KCNIP4: variants seen among roughly 807,000 people sequenced by gnomAD.
KCNIP4 encodes the protein Kv channel-interacting protein 4.
A neutral mutation model predicts 34.0 loss-of-function variants in KCNIP4; 12 were observed. The ratio of observed to expected loss-of-function variants is 0.35; its 90% CI spans 0.23 to 0.57. The LOEUF is 0.57. KCNIP4 is among the 20% of genes least tolerant of loss of function. KCNIP4 has a pLI of 0.83. For missense variants in KCNIP4, 238 were observed against 311.7 expected (o/e 0.76, Z 1.78); for synonymous variants, 124 against 102.2 (o/e 1.21, Z -1.29).
intron 1 of KCNIP4, among the ~76,000 whole-genome samples, chr4:21,802,043 A>G (rs1169006032): frequency 1.3e-5 from 2 of 151,666 alleles, no homozygotes; most frequent in African/African-American, 4.8e-5. Flanking sequence ...TTCATGGGAG[A>G]AAGAATGTTT....
At chr4:21,580,298 C>T (rs1741110909) in intron 1 of KCNIP4, among the ~76,000 whole-genome samples, 1 of 152,038 alleles carries the variant, frequency 6.6e-6, no homozygotes, top group Non-Finnish European at 1.5e-5. Flanking sequence ...CTATGTTCCA[C>T]ATAAAGACAC....
intron 1 of KCNIP4, among the ~76,000 whole-genome samples, chr4:21,493,142 T>C (rs1732550529): frequency 6.6e-6 from 1 of 150,898 alleles, no homozygotes; most frequent in Admixed American, 6.6e-5. Context: ...GGAGTCCCCA[T>C]GGGGCCATCT....
intron 1 of KCNIP4, among the ~76,000 whole-genome samples, chr4:20,902,709 G>A (rs1314165647): frequency 2.0e-5 from 3 of 151,888 alleles, no homozygotes; most frequent in East Asian, 3.9e-4. Flanking sequence ...TAGTAGAGAC[G>A]GGGTTTCACC....
At chr4:21,256,971 T>C (rs1297088031) in intron 1 of KCNIP4, among the ~76,000 whole-genome samples, 1 of 152,218 alleles carries the variant, frequency 6.6e-6, no homozygotes, top group Non-Finnish European at 1.5e-5. Flanking sequence ...TCAGAATTTA[T>C]ATTTTTTGAG....
intron 1 of KCNIP4, among the ~76,000 whole-genome samples, chr4:21,578,332 C>CAAAAAAAAAAAA (rs71191522): frequency 4.0e-5 from 3 of 75,126 alleles, no homozygotes; most frequent in African/African-American, 1.6e-4. Flanking sequence ...GACTCCGTCT[C>CAAAAAAAAAAAA]AAAAAAAAAA....
At chr4:21,436,715 C>G (rs1189984827) in intron 1 of KCNIP4, among the ~76,000 whole-genome samples, 1 of 152,194 alleles carries the variant, frequency 6.6e-6, no homozygotes, top group Admixed American at 6.5e-5. Context: ...TGAGATCGCC[C>G]TGAAGATTCT....
intron 1 of KCNIP4, among the ~76,000 whole-genome samples, chr4:21,026,705 C>T (rs1223324901): frequency 6.6e-6 from 1 of 152,060 alleles, no homozygotes; most frequent in Non-Finnish European, 1.5e-5. Flanking sequence ...ATGGTAACAT[C>T]TTCATTAATT....
At chr4:21,388,996 T>C (rs1722288173) in intron 1 of KCNIP4, among the ~76,000 whole-genome samples, 1 of 152,016 alleles carries the variant, frequency 6.6e-6, no homozygotes, top group South Asian at 2.1e-4. Context: ...GTTTTTTTTT[T>C]TTCTTTGAGA....
chr4:21,448,328 G>C (rs1728212201), intron 1 of KCNIP4, among the ~76,000 whole-genome samples: 1 of 152,014 alleles, frequency 6.6e-6, no homozygotes, highest in African/African-American at 2.4e-5. Context: ...GAAAGTTAAA[G>C]GCTTTTTTAA....
At chr4:21,680,142 A>T (rs1197729633) in intron 1 of KCNIP4, among the ~76,000 whole-genome samples, 1 of 151,936 alleles carries the variant, frequency 6.6e-6, no homozygotes, top group Non-Finnish European at 1.5e-5. Flanking sequence ...CTCAAACACT[A>T]CTGCTGTTTA....
intron 1 of KCNIP4, among the ~76,000 whole-genome samples, chr4:21,061,432 T>C (rs889427018): frequency 1.3e-5 from 2 of 152,114 alleles, no homozygotes; most frequent in Non-Finnish European, 2.9e-5. Flanking sequence ...CAAAAAACAC[T>C]ATAATCCTAT....
intron 1 of KCNIP4, among the ~76,000 whole-genome samples, chr4:21,146,633 C>A (rs1305392242): frequency 1.3e-5 from 2 of 152,038 alleles, no homozygotes; most frequent in Non-Finnish European, 2.9e-5. Flanking sequence ...GAGCCCTTGG[C>A]AAATTTGTTA....
At position 20,806,963 on chromosome 4, in the gene KCNIP4, A is replaced by T. The variant is rs142456597; in HGVS notation, c.288+43580T>A. On this transcript the variant is annotated intron_variant, in intron 3 of 8. Transcript: ENST00000382152. The stretch of plus-strand genomic sequence containing the variant: ...CTAGTAACATTCATTTAATCTGATA[A>T]ATTCTGCTGTTTTGCTGAAATGAAA... Among the ~76,000 whole-genome samples, 454 of 152,272 alleles carry T rather than the reference A, an allele frequency of 3.0e-3. 1 individual carries two copies. Among genetic ancestry groups the T allele is most frequent in the Middle Eastern group, 0.014 (4 of 294 alleles).
At chr4:21,266,244 G>A (rs891637800) in intron 1 of KCNIP4, among the ~76,000 whole-genome samples, 4 of 152,082 alleles carry the variant, frequency 2.6e-5, no homozygotes, top group Admixed American at 6.5e-5. Flanking sequence ...GCAACTTTAC[G>A]AAGCGTACAA....
chr4:21,717,078 G>A (rs1468195290), intron 1 of KCNIP4, among the ~76,000 whole-genome samples: 3 of 152,152 alleles, frequency 2.0e-5, no homozygotes, highest in African/African-American at 7.2e-5. Context: ...TATTGTCATA[G>A]TGTTTCTCAA....
At chr4:21,665,216 G>T (rs1748753097) in intron 1 of KCNIP4, among the ~76,000 whole-genome samples, 1 of 152,036 alleles carries the variant, frequency 6.6e-6, no homozygotes, top group Non-Finnish European at 1.5e-5. Context: ...GGAAATATAT[G>T]GAAAGTGAAA....
Position 20,882,665 on chromosome 4 carries a change from G to C in KCNIP4, c.106C>G (p.Arg36Gly). The change falls in exon 2 of 9, where the codon CGG becomes GGG. Residue 36 changes from arginine to glycine, a missense_variant. Physicochemically the swap from Arg to Gly is moderately radical, Grantham distance 125. Transcript: ENST00000382152. ...GAGCAGGGCAAGAGCTTCATGAGCC[G>C]CTCTTTAATGCTGCGCTTGGTGCTG... ...QNSTKRSIKERLMKLLPCSAA... is the reference protein window; with the variant it reads ...QNSTKRSIKEGLMKLLPCSAA... The C allele has an allele frequency of 1.9e-6, 3 of 1,613,614 alleles. No individual in the cohort carries two copies. The highest frequency in any genetic ancestry group is 2.5e-6 in the Non-Finnish European group (3 of 1,179,848).
intron 1 of KCNIP4, among the ~76,000 whole-genome samples, chr4:21,883,160 T>TTG (rs1726558616): frequency 2.1e-5 from 1 of 47,694 alleles, no homozygotes; most frequent in Non-Finnish European, 3.9e-5. Context: ...TGAGTTGTTG[T>TTG]TTTTTTTTTT....
chr4:21,025,473 TGAGAGAGAGAGAGAGAGAGA>T (rs33926876), intron 1 of KCNIP4, among the ~76,000 whole-genome samples: 4 of 95,130 alleles, frequency 4.2e-5, no homozygotes, highest in Non-Finnish European at 6.0e-5. Context: ...TGAAAACAAC[TGAGAGAGAGAGAGAGAGAGA>T]GAGAGAGAGA....
Sources: allele counts gnomAD v4.1 joint callset (sites outside exome capture counted in the v4.1 genomes callset), GRCh38; gene constraint gnomAD v4.1.1; transcripts MANE v1.5; gene names NCBI Gene and HGNC (gene_info 2026-07-23, HGNC 2026-07-21).